The following VGLL4 variants were observed in gnomAD, a reference collection of about 807,000 sequenced individuals.
VGLL4 encodes the protein vestigial like family member 4.
In VGLL4, 7 loss-of-function variants were observed where a neutral mutation model predicts 21.0. That is an observed-to-expected ratio of 0.33 (90% CI 0.19 to 0.63). The LOEUF is 0.63. VGLL4 is among the 20% of genes least tolerant of loss of function. The pLI is 0.78. For missense variants in VGLL4, 394 were observed against 425.7 expected (o/e 0.93, Z 0.66); for synonymous variants, 222 against 173.2 (o/e 1.28, Z -2.21).
intron 1 of VGLL4, among the ~76,000 whole-genome samples, chr3:11,613,907 T>C (rs2574704): frequency 0.5 from 76,424 of 152,054 alleles, 22,274 homozygotes; most frequent in African/African-American, 0.78. Context: ...AGTCAGCCAC[T>C]AGCCGATGGA....
intron 2 of VGLL4, among the ~76,000 whole-genome samples, chr3:11,673,948 G>A (rs974073016): frequency 2.7e-5 from 4 of 149,844 alleles, no homozygotes; most frequent in African/African-American, 9.8e-5. Context: ...GGAGGTGGAG[G>A]TTGCAGTGAG....
At chr3:11,683,825 C>T (rs2076409397) in intron 2 of VGLL4, among the ~76,000 whole-genome samples, 1 of 151,874 alleles carries the variant, frequency 6.6e-6, no homozygotes. Flanking sequence ...TAACTCAACT[C>T]TTACCTTTGA....
chr3:11,684,212 G>T (rs1383159106), intron 2 of VGLL4, among the ~76,000 whole-genome samples: 1 of 151,762 alleles, frequency 6.6e-6, no homozygotes, highest in Non-Finnish European at 1.5e-5. Flanking sequence ...CTGTCACAAA[G>T]AAAAAGGAAG....
At chr3:11,655,065 C>A (rs1324495861) in intron 2 of VGLL4, among the ~76,000 whole-genome samples, 1 of 152,184 alleles carries the variant, frequency 6.6e-6, no homozygotes, top group Admixed American at 6.5e-5. Flanking sequence ...TTAGGGCCAA[C>A]AGAAATCCAC....
At chr3:11,708,055 A>T (rs1421609867) in intron 1 of VGLL4, among the ~76,000 whole-genome samples, 1 of 152,218 alleles carries the variant, frequency 6.6e-6, no homozygotes, top group Non-Finnish European at 1.5e-5. Context: ...CAGGATTAAT[A>T]TGAATCCAGG....
chr3:11,709,435 T>TCAAAAAAAAAAAAAAAAAAAAAAAAAAAA (rs1228813940), intron 1 of VGLL4, among the ~76,000 whole-genome samples: 1 of 108,836 alleles, frequency 9.2e-6, no homozygotes, highest in African/African-American at 3.4e-5. Context: ...AGACTCCGTC[T>TCAAAAAAAAAAAAAAAAAAAAAAAAAAAA]AAAAAAAAAA....
chr3:11,691,120 C>A (rs2076520776), intron 2 of VGLL4, among the ~76,000 whole-genome samples: 1 of 151,302 alleles, frequency 6.6e-6, no homozygotes, highest in Non-Finnish European at 1.5e-5. Flanking sequence ...CAGTAATTCA[C>A]AAGTATGGTG....
intron 2 of VGLL4, among the ~76,000 whole-genome samples, chr3:11,692,868 A>G (rs1461916014): frequency 6.6e-6 from 1 of 152,096 alleles, no homozygotes; most frequent in East Asian, 1.9e-4. Context: ...GGCTCTTGCT[A>G]TAAGAAGTAA....
intron 3 of VGLL4, among the ~76,000 whole-genome samples, chr3:11,564,369 C>T (rs554837308): frequency 6.6e-6 from 1 of 151,372 alleles, no homozygotes; most frequent in Non-Finnish European, 1.5e-5. Flanking sequence ...TGACATTTCC[C>T]TTCATCCGCG....
intron 1 of VGLL4, among the ~76,000 whole-genome samples, chr3:11,708,859 C>G (rs1223001627): frequency 6.6e-6 from 1 of 151,120 alleles, no homozygotes; most frequent in Non-Finnish European, 1.5e-5. Context: ...GGTGGGGGTT[C>G]GAGACTAGCC....
At chr3:11,685,236 T>C (rs1423627603) in intron 2 of VGLL4, among the ~76,000 whole-genome samples, 3 of 151,364 alleles carry the variant, frequency 2.0e-5, no homozygotes, top group Non-Finnish European at 4.4e-5. Context: ...TCTCGCTCTA[T>C]TGCCCAGGCT....
chr3:11,649,590 G>A (rs1430189463), intron 2 of VGLL4, among the ~76,000 whole-genome samples: 1 of 152,164 alleles, frequency 6.6e-6, no homozygotes, highest in African/African-American at 2.4e-5. Flanking sequence ...CATATCTCAT[G>A]ATATCTCCTT....
At position 11,558,394 on chromosome 3, in the gene VGLL4, T is replaced by C; in HGVS notation, c.*162A>G. The C allele has an allele frequency of 1.6e-6, 2 of 1,221,638 alleles. No homozygotes were observed. The highest frequency in any genetic ancestry group is 2.2e-6 in the Non-Finnish European group (2 of 903,790). The allele number at this position is 1,221,638 out of a possible 1,614,324, so 75.7% of individuals were successfully genotyped here. Reference sequence around the variant, plus strand: ...CCCCCTTGTACGGATACCAAGCAAGTACAAAAACAGAACACAAATCCCAAC... The same window carrying C: ...CCCCCTTGTACGGATACCAAGCAAGCACAAAAACAGAACACAAATCCCAAC... On this transcript the variant is annotated 3_prime_UTR_variant, in exon 5 of 5. Transcript: ENST00000430365.
intron 2 of VGLL4, among the ~76,000 whole-genome samples, chr3:11,678,779 C>A (rs1251655853): frequency 6.6e-6 from 1 of 152,114 alleles, no homozygotes; most frequent in Non-Finnish European, 1.5e-5. Context: ...CAACTCATAG[C>A]AAAGGAATGT....
chr3:11,594,566 T>C (rs1291853670), intron 2 of VGLL4, among the ~76,000 whole-genome samples: 3 of 152,096 alleles, frequency 2.0e-5, no homozygotes, highest in Non-Finnish European at 4.4e-5. Context: ...CCTCTCAAGG[T>C]TCTACCCACG....
At chr3:11,661,536 TCC>T (rs2076039143) in intron 2 of VGLL4, among the ~76,000 whole-genome samples, 1 of 152,034 alleles carries the variant, frequency 6.6e-6, no homozygotes, top group Non-Finnish European at 1.5e-5. Context: ...AGTGGCATGA[TCC>T]TGGCTCACTG....
intron 1 of VGLL4, among the ~76,000 whole-genome samples, chr3:11,624,778 G>A (rs755017921): frequency 6.6e-6 from 1 of 152,142 alleles, no homozygotes; most frequent in Non-Finnish European, 1.5e-5. Flanking sequence ...AAAAATGAGA[G>A]GGGCAAGGAA....
intron 1 of VGLL4, among the ~76,000 whole-genome samples, chr3:11,616,146 C>T (rs1238682988): frequency 6.6e-6 from 1 of 152,094 alleles, no homozygotes; most frequent in African/African-American, 2.4e-5. Flanking sequence ...TCTTCCCTCC[C>T]CCGCCCCTCA....
At chr3:11,662,139 G>A (rs757070437) in intron 2 of VGLL4, among the ~76,000 whole-genome samples, 27 of 152,234 alleles carry the variant, frequency 1.8e-4, no homozygotes, top group Non-Finnish European at 2.5e-4. Flanking sequence ...CTGCTACCAC[G>A]GTGGAAGTCA....
Sources: allele counts gnomAD v4.1 joint callset (sites outside exome capture counted in the v4.1 genomes callset), GRCh38; gene constraint gnomAD v4.1.1; transcripts MANE v1.5; gene names NCBI Gene and HGNC (gene_info 2026-07-23, HGNC 2026-07-21).